Variants in TNRC18 observed in about 807,000 individuals in gnomAD.
The protein encoded by TNRC18 is trinucleotide repeat containing 18, also known as trinucleotide repeat-containing gene 18 protein.
TNRC18 carries 69 observed loss-of-function variants against 226.7 expected under a neutral mutation model. The observed-to-expected ratio is 0.30, with a 90% CI of 0.25 to 0.37. The LOEUF is 0.37. TNRC18 is among the 10% of genes least tolerant of loss of function. The pLI is 1.00. For synonymous variants in TNRC18, 2,449 were observed against 1,927.6 expected (o/e 1.27, Z -7.09); for missense variants, 4,754 against 4,256.6 (o/e 1.12, Z -3.25).
At chr7:5,323,135 G>A (rs538271296) in intron 21 of TNRC18, among the ~76,000 whole-genome samples, 11 of 152,276 alleles carry the variant, frequency 7.2e-5, no homozygotes, top group African/African-American at 2.2e-4. Context: ...CACAGGCGGC[G>A]GCTGGTTGTC....
intron 18 of TNRC18, among the ~76,000 whole-genome samples, chr7:5,336,003 T>G (rs993432234): frequency 5.3e-5 from 8 of 151,780 alleles, no homozygotes; most frequent in Non-Finnish European, 7.4e-5. Context: ...GGTGAGGAGT[T>G]TGAGACCAGC....
chr7:5,341,006 T>G (rs1484740886), intron 18 of TNRC18, among the ~76,000 whole-genome samples: 1 of 152,104 alleles, frequency 6.6e-6, no homozygotes, highest in African/African-American at 2.4e-5. Flanking sequence ...CGACTTTTGC[T>G]GGGGGCTAAT....
chr7:5,344,328 C>G (rs1456386405), intron 18 of TNRC18, among the ~76,000 whole-genome samples: 1 of 152,126 alleles, frequency 6.6e-6, no homozygotes, highest in Non-Finnish European at 1.5e-5. Flanking sequence ...GTGGCCTGGC[C>G]AAGTGTGCAC....
At chr7:5,389,720 G>A (rs143866313) in intron 4 of TNRC18, 2,410 of 157,572 alleles carry the variant, frequency 0.015, 60 homozygotes, top group African/African-American at 0.056. Flanking sequence ...CACCCAAAGT[G>A]CTGGGATTAC....
In TNRC18 at chr7:5,361,844, G is replaced by A. The variant is rs1583914222; in HGVS notation, c.4532+53C>T. On this transcript the variant is annotated intron_variant, in intron 13 of 29. Coordinates refer to ENST00000430969, the MANE Select transcript of TNRC18 (RefSeq NM_001080495.3). ...CCTCGACGGCTGCTGCGCGCCTGGG[G>A]GCCTGGTGGGCCGGGGCAGGGGCCC... 2.6e-5 allele frequency: 39 copies of A among 1,510,300 alleles called. No individual in the cohort carries two copies. In the South Asian group the frequency reaches 3.5e-4, roughly 14 times the overall value. The allele number at this position is 1,510,300 out of a possible 1,614,324, so 93.6% of individuals were successfully genotyped here.
rs1001250895 is a variant in TNRC18, at chr7:5,349,885, C to T, written c.5470+1934G>A. ...CAAGACCTGCTCAGTGGTGGACTGG[C>T]GGGGGTGGAGGGGGGCACTGAGGAG... On this transcript the variant is annotated intron_variant, in intron 17 of 29. Coordinates refer to ENST00000430969, the MANE Select transcript of TNRC18 (RefSeq NM_001080495.3). 3.3e-5 allele frequency among the ~76,000 whole-genome samples: 5 copies of T among 151,750 alleles called. No homozygotes were observed. The East Asian group carries it at 7.8e-4, about 24-fold the overall frequency.
rs746667991 is a variant in TNRC18, at chr7:5,308,988, G to A, written c.8626-39C>T. On this transcript the variant is annotated intron_variant, in intron 28 of 29. Coordinates refer to ENST00000430969, the MANE Select transcript of TNRC18 (RefSeq NM_001080495.3). ...AGAGGAGGGGCTTGGGTGAGCCCGG[G>A]GGCTGCTGCACCCGACCCCAGGCCC... 15 of 1,574,376 alleles carry A rather than the reference G, an allele frequency of 9.5e-6. 1 individual carries two copies. In the Admixed American group the frequency reaches 1.5e-4, roughly 15 times the overall value.
At chr7:5,344,316 G>A (rs918274837) in intron 18 of TNRC18, among the ~76,000 whole-genome samples, 1 of 152,198 alleles carries the variant, frequency 6.6e-6, no homozygotes, top group Non-Finnish European at 1.5e-5. Flanking sequence ...CTGGGCAGAA[G>A]AGTGGCCTGG....
chr7:5,376,802 C>T, intron 8 of TNRC18, 45 bp downstream of exon 8: 2 of 1,591,956 alleles, frequency 1.3e-6, no homozygotes, highest in Non-Finnish European at 1.7e-6. Flanking sequence ...TCTCGCTGGG[C>T]ATGGCCAGTC....
At position 5,332,937 on chromosome 7, in the gene TNRC18, G is replaced by A. The variant is rs538115846; in HGVS notation, c.5832C>T (p.Ala1944=). Residue 1944 remains alanine (A), a synonymous_variant, in exon 19 of 30, where the codon GCC becomes GCT. Coordinates refer to ENST00000430969, the MANE Select transcript of TNRC18 (RefSeq NM_001080495.3). ...GACCGCGGGCGCCAGGCGTGGGTGC[G>A]GCCAGGGAGGGTCCCGGCTCCCCCA... ...KGLGEPGPSL[A]APTPGARGPD... The A allele has an allele frequency of 4.3e-5, 66 of 1,548,772 alleles. No individual in the cohort carries two copies. In the African/African-American group the frequency reaches 5.3e-4, roughly 12 times the overall value.
Position 5,377,114 on chromosome 7 carries a change from G to C in TNRC18, c.2462-121C>G. 2 of 1,400,692 alleles carry C rather than the reference G, an allele frequency of 1.4e-6. No individual in the cohort carries two copies. The allele number at this position is 1,400,692 out of a possible 1,614,324, so 86.8% of individuals were successfully genotyped here. ...ACCTCCTGGGGCCTCCAGTGGGGAA[G>C]CCAAGGGACAGGGGTGCTGGCTGGC... is the stretch of plus-strand genomic sequence containing the variant. On this transcript the variant is annotated intron_variant, in intron 7 of 29. Coordinates refer to ENST00000430969, the MANE Select transcript of TNRC18 (RefSeq NM_001080495.3). The surrounding 1 kb of genome is among the most constrained non-coding windows in gnomAD (Gnocchi z 5.8).
rs772319181 is a variant in TNRC18, at chr7:5,362,051, A to AGAG, written c.4396-21_4396-19dup. The AGAG allele has an allele frequency of 4.3e-6, 7 of 1,610,650 alleles. No individual in the cohort carries two copies. In the South Asian group the frequency reaches 7.7e-5, roughly 18 times the overall value. On this transcript the variant is annotated intron_variant, in intron 12 of 29. Transcript: ENST00000430969. ...GCATACATCTGGGGGAAGAACCGGG[A>AGAG]GAGGAGGAGGGGGTGAGGATGCCAC...
chr7:5,361,632 G>C lies in TNRC18; in HGVS notation c.4623C>G (p.Pro1541=), dbSNP rs1251221759. 1.3e-6 allele frequency: 2 copies of C among 1,547,484 alleles called. No homozygotes were observed. The highest frequency in any genetic ancestry group is 1.7e-6 in the Non-Finnish European group (2 of 1,147,786). ...GGCCGCTCTTCCCTCTCTTGCGGGG[G>C]GGCGACAGGGCGCTCGGGGCGTGGG... ...KRTHAPSALS[P]PRKRGKSGHS... The change falls in exon 14 of 30, where the codon CCC becomes CCG. Residue 1541 remains proline (P), a synonymous_variant. Transcript: ENST00000430969.
intron 11 of TNRC18, among the ~76,000 whole-genome samples, chr7:5,365,459 G>A (rs959519126): frequency 2.0e-5 from 3 of 151,868 alleles, no homozygotes; most frequent in Admixed American, 6.6e-5. Context: ...GCTGGGACAC[G>A]TGTGACAGGA....
chr7:5,335,631 G>T (rs1790024956), intron 18 of TNRC18, among the ~76,000 whole-genome samples: 1 of 150,590 alleles, frequency 6.6e-6, no homozygotes, highest in Admixed American at 6.6e-5. Flanking sequence ...AATTAGAAAG[G>T]GAGCCAGAGA....
intron 11 of TNRC18, among the ~76,000 whole-genome samples, chr7:5,368,498 A>G (rs1793849341): frequency 6.6e-6 from 1 of 151,744 alleles, no homozygotes; most frequent in Non-Finnish European, 1.5e-5. Context: ...CCCCATCTCC[A>G]CTAAAAATAC....
Position 5,361,704 on chromosome 7 carries a change from G to T in TNRC18, c.4551C>A (p.Pro1517=). 6.4e-7 allele frequency: 1 copy of T among 1,567,600 alleles called. No homozygotes were observed. Among genetic ancestry groups the T allele is most frequent in the South Asian group, 1.2e-5 (1 of 85,330 alleles). ...RRDSEDRREE[P]HRSLARRGPG... ...GGCCTCTGCGTGCCAAGCTTCTATG[G>T]GGTTCCTCGCGCCTGTCCCTTAAAA... Residue 1517 remains proline (P), a synonymous_variant, in exon 14 of 30, where the codon CCC becomes CCA. Coordinates refer to ENST00000430969, the MANE Select transcript of TNRC18 (RefSeq NM_001080495.3).
chr7:5,318,774 G>A (rs987127983), intron 24 of TNRC18, among the ~76,000 whole-genome samples: 1 of 152,086 alleles, frequency 6.6e-6, no homozygotes, highest in Non-Finnish European at 1.5e-5. Flanking sequence ...ATGGTGAGGG[G>A]AACTATTTCC....
rs1161499678 is a variant in TNRC18 at position 5,313,066 on chromosome 7, C to T, written c.7825G>A (p.Ala2609Thr). ...GRNCSAASSR[A>T]ASPASSSSSS... is the part of the protein sequence containing the mutation. ...GAGGAGGAGGAGGCCGGTGAGGCCG[C>T]CCTGGAGCTGGCAGCGCTGCAGTTA... The change falls in exon 27 of 30, where the codon GCG (alanine) becomes ACG (threonine). Residue 2609 changes from alanine to threonine, a missense_variant. Coordinates refer to ENST00000430969, the MANE Select transcript of TNRC18 (RefSeq NM_001080495.3). 1.7e-6 allele frequency: 2 copies of T among 1,145,554 alleles called. No individual in the cohort carries two copies. The highest frequency in any genetic ancestry group is 3.1e-5 in the African/African-American group (2 of 65,564). The allele number at this position is 1,145,554 out of a possible 1,614,324, so 71.0% of individuals were successfully genotyped here. A position where few individuals can be genotyped will look rare whatever the true frequency, so the allele number is the denominator to read the frequency against.
Sources: gnomAD v4.1 joint callset for allele counts (sites outside exome capture counted in the v4.1 genomes callset) on GRCh38, gnomAD v4.1.1 for gene constraint, Gnocchi (gnomAD v3.1) non-coding constraint, MANE v1.5 for transcripts, NCBI Gene and HGNC (gene_info 2026-07-23, HGNC 2026-07-21) for gene names.